Variants in SDK1 observed in about 807,000 individuals in gnomAD.
The protein encoded by SDK1 is sidekick cell adhesion molecule 1.
In SDK1, 157 loss-of-function variants were observed where a neutral mutation model predicts 245.5. The observed-to-expected ratio is 0.64, with a 90% confidence interval of 0.56 to 0.73. The LOEUF is 0.73. SDK1 is among the 30% of genes least tolerant of loss of function. The pLI is 0.00. For missense variants in SDK1, 3,583 were observed against 3,002.3 expected (o/e 1.19, Z -4.52); for synonymous variants, 1,647 against 1,278.5 (o/e 1.29, Z -6.15).
At chr7:3,845,323 C>G (rs1414637929) in intron 5 of SDK1, among the ~76,000 whole-genome samples, 3 of 151,910 alleles carry the variant, frequency 2.0e-5, no homozygotes, top group Non-Finnish European at 4.4e-5. Flanking sequence ...AACCCTGTCT[C>G]TACTAAAAAT....
At chr7:3,950,351 T>C (rs1780753445) in intron 5 of SDK1, among the ~76,000 whole-genome samples, 1 of 152,250 alleles carries the variant, frequency 6.6e-6, no homozygotes. Context: ...TCATTTGTCA[T>C]GCTCCGATCA....
At position 4,245,757 on chromosome 7, in the gene SDK1, C is replaced by T. The variant is rs141125485; in HGVS notation, c.6333C>T (p.Thr2111=). ...ICNKYNGAVL[T]ESVSLKEKSA... ...ACAAGTACAACGGCGCCGTGCTGAC[C>T]GAGAGCGTGAGCCTCAAGGAGAAGT... The change falls in exon 44 of 45, where the codon ACC becomes ACT. Residue 2111 remains threonine (T), a synonymous_variant. Coordinates refer to ENST00000404826, the MANE Select transcript of SDK1 (RefSeq NM_152744.4). 88 of 1,613,820 alleles carry T rather than the reference C, an allele frequency of 5.5e-5. No individual in the cohort carries two copies. Among genetic ancestry groups the T allele is most frequent in the Admixed American group, 2.5e-4 (15 of 60,004 alleles).
At position 4,145,707 on chromosome 7, in the gene SDK1, G is replaced by A; in HGVS notation, c.4229-15G>A. The A allele has an allele frequency of 6.3e-7, 1 of 1,589,232 alleles. No individual in the cohort carries two copies. On this transcript the variant is annotated splice_polypyrimidine_tract_variant and intron_variant, in intron 28 of 44. Coordinates refer to ENST00000404826, the MANE Select transcript of SDK1 (RefSeq NM_152744.4). ...GACTGGCTCAGCAGCTGTCTCCCAT[G>A]TCACCTGCCTGCAGGGTACCAGATT...
chr7:3,804,202 C>T (rs927262762), intron 4 of SDK1, among the ~76,000 whole-genome samples: 2 of 152,150 alleles, frequency 1.3e-5, no homozygotes, highest in African/African-American at 2.4e-5. Flanking sequence ...GATATCTTCT[C>T]CTAAAAATTT....
intron 4 of SDK1, among the ~76,000 whole-genome samples, chr7:3,647,597 T>G (rs1391542573): frequency 2.0e-5 from 3 of 152,128 alleles, no homozygotes; most frequent in African/African-American, 7.2e-5. Context: ...TGGCTATTTT[T>G]TTTTGTATTT....
At chr7:3,733,176 T>A (rs1779228287) in intron 4 of SDK1, among the ~76,000 whole-genome samples, 1 of 152,202 alleles carries the variant, frequency 6.6e-6, no homozygotes, top group African/African-American at 2.4e-5. Flanking sequence ...TGCAATGTCT[T>A]AAGTCTTTAA....
intron 1 of SDK1, among the ~76,000 whole-genome samples, chr7:3,617,362 A>C (rs986500893): frequency 6.6e-6 from 1 of 152,214 alleles, no homozygotes; most frequent in Non-Finnish European, 1.5e-5. Flanking sequence ...TCTGATAACT[A>C]TTGTAAATGG....
At chr7:4,234,691 G>A (rs891046812) in intron 41 of SDK1, among the ~76,000 whole-genome samples, 4 of 152,260 alleles carry the variant, frequency 2.6e-5, no homozygotes, top group East Asian at 1.9e-4. Context: ...ACACACCCTC[G>A]CTGGCCCCTC....
At chr7:3,321,233 G>T (rs1376407248) in intron 1 of SDK1, among the ~76,000 whole-genome samples, 1 of 152,134 alleles carries the variant, frequency 6.6e-6, no homozygotes, top group Non-Finnish European at 1.5e-5. Flanking sequence ...AGATTCCTTA[G>T]AAACGTCAAA....
At position 4,231,103 on chromosome 7, in the gene SDK1, C is replaced by T. The variant is rs191698125; in HGVS notation, c.5828-2152C>T. ...ACCATTCTTAAGCCAAACTCACATA[C>T]GACAATATAAACCACATACAACCAG... On this transcript the variant is annotated intron_variant, in intron 40 of 44. Transcript: ENST00000404826. Among the ~76,000 whole-genome samples the T allele has an allele frequency of 6.9e-4, 105 of 152,222 alleles. 1 individual carries two copies. Among genetic ancestry groups the T allele is most frequent in the Non-Finnish European group, 1.4e-3 (95 of 68,012 alleles).
At chr7:4,260,014 C>T (rs930781146) in intron 44 of SDK1, among the ~76,000 whole-genome samples, 1 of 152,246 alleles carries the variant, frequency 6.6e-6, no homozygotes, top group East Asian at 1.9e-4. Context: ...GGTATGTAAT[C>T]GGTGTTCCCG....
At chr7:3,660,514 TTTCCATATC>T (rs1783318144) in intron 4 of SDK1, among the ~76,000 whole-genome samples, 1 of 152,206 alleles carries the variant, frequency 6.6e-6, no homozygotes, top group Non-Finnish European at 1.5e-5. Context: ...AGAGCCTATC[TTTCCATATC>T]TTTTGTCACC....
intron 1 of SDK1, among the ~76,000 whole-genome samples, chr7:3,394,366 G>T (rs2128571261): frequency 6.6e-6 from 1 of 152,194 alleles, no homozygotes; most frequent in African/African-American, 2.4e-5. Context: ...AGAATTTATT[G>T]CTGGATTCGT....
In SDK1 at chr7:4,114,279, GGGGAA is replaced by G. The variant is rs766545180; in HGVS notation, c.3823+8_3823+12del. The G allele has an allele frequency of 1.4e-5, 22 of 1,587,622 alleles. No homozygotes were observed. The highest frequency in any genetic ancestry group is 4.3e-4 in the Middle Eastern group (2 of 4,598). On this transcript the variant is annotated splice_donor_region_variant and intron_variant, in intron 25 of 44. Transcript: ENST00000404826. ...GGGGCCGGACGCGGGAGTCAGGTGA[GGGGAA>G]GGCGATTCCCATCCTGGAGACACCG...
chr7:3,534,999 T>G (rs1778834718), intron 1 of SDK1, among the ~76,000 whole-genome samples: 1 of 152,110 alleles, frequency 6.6e-6, no homozygotes, highest in African/African-American at 2.4e-5. Context: ...GTAAATGTCA[T>G]GCAGTGGCTC....
chr7:3,492,518 C>CA (rs1020110017), intron 1 of SDK1, among the ~76,000 whole-genome samples: 2 of 152,056 alleles, frequency 1.3e-5, no homozygotes, highest in Admixed American at 6.6e-5. Context: ...ACAAAAACAA[C>CA]AAAAAAACCT....
chr7:4,067,833 G>T lies in SDK1; in HGVS notation c.2912-5G>T. ...TTAACAGATGACTTTGCTTTTAATTGGTAGAACCAGGAGCTGTGGGACATC... is the reference window on the plus strand; with the variant it reads ...TTAACAGATGACTTTGCTTTTAATTTGTAGAACCAGGAGCTGTGGGACATC... On this transcript the variant is annotated splice_polypyrimidine_tract_variant and splice_region_variant and intron_variant, in intron 19 of 44. Transcript: ENST00000404826. 1 of 1,608,966 alleles carries T rather than the reference G, an allele frequency of 6.2e-7. No individual in the cohort carries two copies. Among genetic ancestry groups the T allele is most frequent in the Non-Finnish European group, 8.5e-7 (1 of 1,177,006 alleles).
intron 1 of SDK1, among the ~76,000 whole-genome samples, chr7:3,519,457 T>G (rs532858180): frequency 6.6e-6 from 1 of 152,144 alleles, no homozygotes; most frequent in Non-Finnish European, 1.5e-5. Flanking sequence ...AATTACACTT[T>G]TGGGGATTTG....
intron 1 of SDK1, among the ~76,000 whole-genome samples, chr7:3,343,002 G>GAAAAAAAAAAAAAAAAAAAAAAAAA (rs59587479): frequency 7.2e-6 from 1 of 137,996 alleles, no homozygotes; most frequent in African/African-American, 2.7e-5. Context: ...CTAAATGGCT[G>GAAAAAAAAAAAAAAAAAAAAAAAAA]AAAAAAAAAA....
Sources: allele counts gnomAD v4.1 joint callset (sites outside exome capture counted in the v4.1 genomes callset), GRCh38; gene constraint gnomAD v4.1.1; transcripts MANE v1.5; gene names NCBI Gene and HGNC (gene_info 2026-07-23, HGNC 2026-07-21).